Variants in NSDHL observed in about 807,000 individuals in gnomAD.
NSDHL encodes the protein sterol-4-alpha-carboxylate 3-dehydrogenase, decarboxylating.
In NSDHL, 1 loss-of-function variant was observed where a neutral mutation model predicts 23.0. The ratio of observed to expected loss-of-function variants is 0.04; its 90% CI spans 0.02 to 0.21. The LOEUF is 0.21. NSDHL is among the 10% of genes least tolerant of loss of function. NSDHL has a pLI of 1.00. For synonymous variants in NSDHL, 128 were observed against 121.1 expected, an observed-to-expected ratio of 1.06 and a Z score of -0.37; for missense variants, 237 against 300.9, an observed-to-expected ratio of 0.79 and a Z score of 1.57.
intron 4 of NSDHL, among the ~76,000 whole-genome samples, chrX:152,860,267 G>T (rs2125013421): frequency 8.9e-6 from 1 of 112,230 alleles, no homozygotes; most frequent in African/African-American, 3.2e-5. Context: ...TGGGTGACCA[G>T]GGGCTAAACG....
At chrX:152,859,082 G>T (rs186735013) in intron 4 of NSDHL, among the ~76,000 whole-genome samples, 166 bp downstream of exon 4, 5 of 110,682 alleles carry the variant, frequency 4.5e-5, no homozygotes, top group Non-Finnish European at 9.4e-5. Flanking sequence ...GATGGTGAAG[G>T]TCTGCTTGCC....
rs782160469 is a variant in NSDHL at position 152,869,398 on chromosome X, C to T, written c.*282C>T. On this transcript the variant is annotated 3_prime_UTR_variant, in exon 8 of 8. Coordinates refer to ENST00000370274, the MANE Select transcript of NSDHL (RefSeq NM_015922.3). Reference sequence around the variant, plus strand: ...CTCTCTGTTTACCCCCTCCCTTGCCCCCTCTTCTGGTTTATACATTTCATT... The same window carrying T: ...CTCTCTGTTTACCCCCTCCCTTGCCTCCTCTTCTGGTTTATACATTTCATT... The T allele has an allele frequency of 4.3e-5, 16 of 372,896 alleles. No homozygotes were observed. Among genetic ancestry groups the T allele is most frequent in the South Asian group, 3.7e-4 (11 of 29,495 alleles). 30.7% of individuals were successfully genotyped at this position (372,896 alleles called of 1,213,427 possible).
chrX:152,833,255 T>C (rs1226609494), intron 1 of NSDHL, among the ~76,000 whole-genome samples: 1 of 107,721 alleles, frequency 9.3e-6, no homozygotes, highest in Non-Finnish European at 1.9e-5. Context: ...TCAAAAGTTA[T>C]ATGTGGATTT....
intron 1 of NSDHL, among the ~76,000 whole-genome samples, chrX:152,841,428 G>A (rs1185820127): frequency 2.7e-5 from 3 of 111,958 alleles, no homozygotes; most frequent in African/African-American, 9.8e-5. Flanking sequence ...GTTCCTATTC[G>A]GCCCTCTTGG....
At chrX:152,832,179 C>T (rs186046842) in intron 1 of NSDHL, among the ~76,000 whole-genome samples, 1 of 112,022 alleles carries the variant, frequency 8.9e-6, no homozygotes, top group East Asian at 2.8e-4. Context: ...CAGTTGTCCT[C>T]TCCGCCTGCC....
intron 1 of NSDHL, among the ~76,000 whole-genome samples, chrX:152,841,305 G>C (rs1006226281): frequency 1.8e-5 from 2 of 112,735 alleles, no homozygotes; most frequent in Non-Finnish European, 3.8e-5. Context: ...ACCCTCCATG[G>C]GCTGCACCCA....
At chrX:152,845,621 G>C (rs1352148539) in intron 1 of NSDHL, among the ~76,000 whole-genome samples, 1 of 111,228 alleles carries the variant, frequency 9.0e-6, no homozygotes, top group Admixed American at 9.6e-5. Context: ...ACTGCTGGGT[G>C]CCCACTGTAC....
intron 4 of NSDHL, among the ~76,000 whole-genome samples, chrX:152,861,251 C>T (rs1556847482): frequency 1.8e-5 from 2 of 112,906 alleles, no homozygotes; most frequent in Non-Finnish European, 3.7e-5. Context: ...AACTTTCTTC[C>T]ATGTGTATAA....
intron 1 of NSDHL, among the ~76,000 whole-genome samples, chrX:152,838,090 G>A (rs1243301231): frequency 5.3e-5 from 6 of 112,185 alleles, no homozygotes; most frequent in African/African-American, 1.3e-4. Flanking sequence ...GCATAGAAGT[G>A]TTTATAGTAT....
At chrX:152,866,924 A>C (rs934023138) in intron 6 of NSDHL, among the ~76,000 whole-genome samples, 5 of 111,585 alleles carry the variant, frequency 4.5e-5, no homozygotes, top group Non-Finnish European at 1.9e-5. Flanking sequence ...GAAATTGAAG[A>C]AACCGTGACT....
chrX:152,838,365 T>C (rs1337378940), intron 1 of NSDHL, among the ~76,000 whole-genome samples: 1 of 111,934 alleles, frequency 8.9e-6, no homozygotes, highest in Non-Finnish European at 1.9e-5. Context: ...TGCTCTTGTT[T>C]CTCTAGTTCT....
chrX:152,836,607 G>A (rs1031429522), intron 1 of NSDHL, among the ~76,000 whole-genome samples: 1 of 111,949 alleles, frequency 8.9e-6, no homozygotes, highest in Admixed American at 9.5e-5. Context: ...AAGATCAGAT[G>A]GTTGTAGATG....
chrX:152,831,554 G>C (rs1319128938), intron 1 of NSDHL: 1 of 118,707 alleles, frequency 8.4e-6, no homozygotes, highest in Non-Finnish European at 1.7e-5. Flanking sequence ...ACTTTGAAAG[G>C]AGTGAGGGGG....
At position 152,846,331 on chromosome X, in the gene NSDHL, C is replaced by T; in HGVS notation, c.7C>T (p.Pro3Ser). The stretch of plus-strand genomic sequence containing the variant: ...GACCATATTTTGCTTCGAAATGGAA[C>T]CAGCAGTTAGCGAGCCAATGAGAGA... ME[P>S]AVSEPMRDQV... The change falls in exon 2 of 8, where the codon CCA (proline) becomes TCA (serine). Residue 3 changes from proline to serine, a missense_variant. Around this residue, in one of 3 missense-constraint regions of NSDHL, gnomAD observed 81 missense variants for 103.3 expected, o/e 0.78. Transcript: ENST00000370274. 2 of 1,206,141 alleles carry T rather than the reference C, an allele frequency of 1.7e-6. No homozygotes were observed. The highest frequency in any genetic ancestry group is 2.3e-4 in the Middle Eastern group (1 of 4,332).
intron 1 of NSDHL, among the ~76,000 whole-genome samples, chrX:152,839,997 T>G (rs1292046724): frequency 1.8e-5 from 2 of 112,264 alleles, no homozygotes; most frequent in Non-Finnish European, 3.8e-5. Context: ...TTTGTTCATT[T>G]CTTTTTACTC....
chrX:152,852,548 G>A (rs1362238571), intron 3 of NSDHL, among the ~76,000 whole-genome samples: 1 of 110,748 alleles, frequency 9.0e-6, no homozygotes, highest in Non-Finnish European at 1.9e-5. Context: ...GGAGTCACCG[G>A]GGACTAGAGC....
At chrX:152,851,508 T>A (rs1933356126) in intron 3 of NSDHL, among the ~76,000 whole-genome samples, 1 of 111,666 alleles carries the variant, frequency 9.0e-6, no homozygotes, top group Admixed American at 9.5e-5. Flanking sequence ...TTTGGTGTCA[T>A]TCGCTATATG....
At chrX:152,841,388 C>T (rs1030101587) in intron 1 of NSDHL, among the ~76,000 whole-genome samples, 6 of 111,782 alleles carry the variant, frequency 5.4e-5, no homozygotes, top group African/African-American at 1.3e-4. Context: ...TCTTCTGTGT[C>T]GATCACGCTG....
chrX:152,841,271 C>T (rs1933187880), intron 1 of NSDHL, among the ~76,000 whole-genome samples: 1 of 112,954 alleles, frequency 8.9e-6, no homozygotes, highest in African/African-American at 3.2e-5. Context: ...CTGGGTAAGG[C>T]AACGCCGTGC....
Sources: gnomAD v4.1 joint callset for allele counts (sites outside exome capture counted in the v4.1 genomes callset) on GRCh38, gnomAD v4.1.1 for gene constraint, gnomAD v4.1.1 regional missense constraint, MANE v1.5 for transcripts, NCBI Gene and HGNC (gene_info 2026-07-23, HGNC 2026-07-21) for gene names.